Variants in RANBP2 observed in about 807,000 individuals in gnomAD.
RANBP2 encodes RAN binding protein 2.
RANBP2 carries 57 observed loss-of-function variants against 303.6 expected under a neutral mutation model. The ratio of observed to expected loss-of-function variants is 0.19; its 90% CI spans 0.15 to 0.23. The LOEUF is 0.23. Among genes scored for constraint, RANBP2 ranks in the 10% least tolerant of loss-of-function variants. The pLI, the probability that RANBP2 is intolerant of heterozygous loss-of-function variation, is 1.00. For missense variants in RANBP2, 3,138 were observed against 3,780.8 expected (o/e 0.83, Z 4.46); for synonymous variants, 1,167 against 1,301.5 (o/e 0.90, Z 2.23).
the RANBP2 span, among the ~76,000 whole-genome samples, chr2:109,113,871 C>T: frequency 6.6e-6 from 1 of 152,118 alleles, no homozygotes; most frequent in East Asian, 1.9e-4. Context: ...TCAAAGACCT[C>T]TTCTGCATCT....
At chr2:109,692,878 G>A in the RANBP2 span, among the ~76,000 whole-genome samples, 1 of 150,448 alleles carries the variant, frequency 6.6e-6, no homozygotes, top group Non-Finnish European at 1.5e-5. Flanking sequence ...GAGTGCAATG[G>A]TGCGATCTCG....
rs559756345 is a variant in RANBP2, at chr2:108,726,445, T to TG, written c.73-2687_73-2686insG. Among the ~76,000 whole-genome samples, 421 of 151,448 alleles carry TG rather than the reference T, an allele frequency of 2.8e-3. 4 individuals are homozygous for TG. The highest frequency in any genetic ancestry group is 9.9e-3 in the African/African-American group (408 of 41,370). On this transcript the variant is annotated intron_variant, in intron 1 of 28. Transcript: ENST00000283195. Reference sequence around the variant, plus strand: ...GAAGAGGTGAGTTTTTTTGTTTTTTTTTTTTTTTGGCTTAAACAACAGAAA... The same window carrying TG: ...GAAGAGGTGAGTTTTTTTGTTTTTTTGTTTTTTTTGGCTTAAACAACAGAAA...
the RANBP2 span, among the ~76,000 whole-genome samples, chr2:109,238,249 G>T: frequency 6.6e-6 from 1 of 151,988 alleles, no homozygotes; most frequent in Admixed American, 6.6e-5. Flanking sequence ...TAATTCAATA[G>T]AAAAGTGTTG....
chr2:109,643,296 C>T, the RANBP2 span, among the ~76,000 whole-genome samples: 7 of 152,010 alleles, frequency 4.6e-5, no homozygotes, highest in South Asian at 2.1e-4. Flanking sequence ...TTGTCAGAGG[C>T]GTTTGAACCA....
the RANBP2 span, among the ~76,000 whole-genome samples, chr2:109,356,757 T>C: frequency 5.9e-5 from 9 of 152,344 alleles, no homozygotes; most frequent in Middle Eastern, 3.4e-3. Context: ...CCTGCCCACA[T>C]TGCAGTAACA....
At chr2:109,429,609 A>C in the RANBP2 span, among the ~76,000 whole-genome samples, 1 of 152,068 alleles carries the variant, frequency 6.6e-6, no homozygotes, top group Non-Finnish European at 1.5e-5. Flanking sequence ...CCTCTGTGCA[A>C]CTGCAGCTCT....
the RANBP2 span, among the ~76,000 whole-genome samples, chr2:109,646,180 C>T: frequency 1.3e-5 from 2 of 152,178 alleles, no homozygotes; most frequent in South Asian, 2.1e-4. Context: ...GTGACTGTCC[C>T]TTATCCGTAA....
chr2:109,725,826 G>A, the RANBP2 span, among the ~76,000 whole-genome samples: 14 of 151,836 alleles, frequency 9.2e-5, no homozygotes, highest in African/African-American at 2.7e-4. Context: ...TCTGCCTCCC[G>A]GGTTCAAGTG....
chr2:109,728,870 C>T, the RANBP2 span, among the ~76,000 whole-genome samples: 1 of 152,018 alleles, frequency 6.6e-6, no homozygotes, highest in African/African-American at 2.4e-5. Flanking sequence ...CCCATCATAG[C>T]TGATTTCAAG....
chr2:109,463,040 C>T, the RANBP2 span, among the ~76,000 whole-genome samples: 1 of 152,128 alleles, frequency 6.6e-6, no homozygotes, highest in Non-Finnish European at 1.5e-5. Context: ...TTGGTATGGC[C>T]CTGGGGTCTT....
chr2:109,518,913 A>ATTTTTTTTTTTTT, the RANBP2 span, among the ~76,000 whole-genome samples: 1 of 133,404 alleles, frequency 7.5e-6, no homozygotes, highest in African/African-American at 3.2e-5. Flanking sequence ...GGTGCTACAT[A>ATTTTTTTTTTTTT]TCTTTTTTTT....
the RANBP2 span, among the ~76,000 whole-genome samples, chr2:109,238,664 A>G: frequency 6.6e-6 from 1 of 152,110 alleles, no homozygotes; most frequent in South Asian, 2.1e-4. Flanking sequence ...TGAATGGAGG[A>G]GGAGAGTGCT....
At chr2:109,524,730 GAAA>G in the RANBP2 span, among the ~76,000 whole-genome samples, 1 of 151,698 alleles carries the variant, frequency 6.6e-6, no homozygotes, top group African/African-American at 2.4e-5. Flanking sequence ...GGGTGACAGA[GAAA>G]GACTCCATCT....
At chr2:108,857,493 TA>T in the RANBP2 span, among the ~76,000 whole-genome samples, 1 of 152,188 alleles carries the variant, frequency 6.6e-6, no homozygotes, top group Non-Finnish European at 1.5e-5. Flanking sequence ...AACTGAGACT[TA>T]AAGCCACATC....
the RANBP2 span, among the ~76,000 whole-genome samples, chr2:109,725,379 C>T: frequency 6.6e-6 from 1 of 152,208 alleles, no homozygotes; most frequent in Non-Finnish European, 1.5e-5. Flanking sequence ...AGTGCCTGGT[C>T]ACGATGGCCT....
chr2:109,290,456 C>T, the RANBP2 span, among the ~76,000 whole-genome samples: 1 of 152,230 alleles, frequency 6.6e-6, no homozygotes. Context: ...GATTTCATTA[C>T]CCGGAATCCT....
chr2:108,953,938 G>A, the RANBP2 span, among the ~76,000 whole-genome samples: 1 of 152,300 alleles, frequency 6.6e-6, no homozygotes, highest in African/African-American at 2.4e-5. Context: ...CATATTATAA[G>A]TGAGACACTA....
At chr2:109,644,935 A>T in the RANBP2 span, among the ~76,000 whole-genome samples, 1 of 152,218 alleles carries the variant, frequency 6.6e-6, no homozygotes, top group Non-Finnish European at 1.5e-5. Context: ...TGTCTACTTT[A>T]GGGACGTTTC....
chr2:108,980,098 G>T, the RANBP2 span, among the ~76,000 whole-genome samples: 1 of 150,582 alleles, frequency 6.6e-6, no homozygotes, highest in Non-Finnish European at 1.5e-5. Context: ...AATGGTGTGG[G>T]GTGGGGTGGG....
Sources: gnomAD v4.1 joint callset for allele counts (sites outside exome capture counted in the v4.1 genomes callset) on GRCh38, gnomAD v4.1.1 for gene constraint, MANE v1.5 for transcripts, NCBI Gene and HGNC (gene_info 2026-07-23, HGNC 2026-07-21) for gene names.